The following FAM193A variants were observed in gnomAD, a reference collection of about 807,000 sequenced individuals.
FAM193A encodes family with sequence similarity 193 member A.
In FAM193A, 22 loss-of-function variants were observed where a neutral mutation model predicts 126.5. The observed-to-expected ratio is 0.17, with a 90% CI of 0.12 to 0.25. The LOEUF is 0.25. Ranked by LOEUF, FAM193A falls within the 10% of genes least tolerant of loss-of-function variation. FAM193A has a pLI of 1.00. For missense variants in FAM193A, 1,675 were observed against 1,672.8 expected (o/e 1.00, Z -0.02); for synonymous variants, 761 against 646.8 (o/e 1.18, Z -2.68).
At chr4:2,684,887 G>A (rs573827583) in intron 13 of FAM193A, among the ~76,000 whole-genome samples, 1 of 152,184 alleles carries the variant, frequency 6.6e-6, no homozygotes, top group African/African-American at 2.4e-5. Flanking sequence ...CCCAGACCAG[G>A]GGGGAAGAAC....
intron 19 of FAM193A, among the ~76,000 whole-genome samples, chr4:2,707,713 A>AT (rs752751839): frequency 0.23 from 30,456 of 130,790 alleles, 3,793 homozygotes; most frequent in South Asian, 0.28. Flanking sequence ...TATATTTCTT[A>AT]TTTTTTTTTT....
intron 13 of FAM193A, among the ~76,000 whole-genome samples, chr4:2,686,205 C>T (rs1349620306): frequency 6.6e-6 from 1 of 152,200 alleles, no homozygotes; most frequent in Non-Finnish European, 1.5e-5. Context: ...TTTGTCCCTA[C>T]AACTGGGCTT....
intron 1 of FAM193A, among the ~76,000 whole-genome samples, chr4:2,549,127 T>C (rs994274837): frequency 6.6e-6 from 1 of 151,500 alleles, no homozygotes; most frequent in Non-Finnish European, 1.5e-5. Flanking sequence ...TTAGTAGAGA[T>C]GGTGTTTCAC....
chr4:2,637,474 CAG>C (rs2109019283), intron 5 of FAM193A, among the ~76,000 whole-genome samples: 1 of 151,824 alleles, frequency 6.6e-6, no homozygotes, highest in Non-Finnish European at 1.5e-5. Flanking sequence ...TCGACAAAGA[CAG>C]AAAGATCTCA....
At chr4:2,556,966 C>T (rs1284144218) in intron 1 of FAM193A, among the ~76,000 whole-genome samples, 1 of 152,102 alleles carries the variant, frequency 6.6e-6, no homozygotes, top group Admixed American at 6.6e-5. Context: ...ACAGAAAAGT[C>T]ACCAAGATAG....
In FAM193A at chr4:2,647,988, C is replaced by T. The variant is rs1362190460; in HGVS notation, c.1311+1156C>T. On this transcript the variant is annotated intron_variant, in intron 7 of 20. Coordinates refer to ENST00000637812, the MANE Select transcript of FAM193A (RefSeq NM_001366318.2). Reference sequence around the variant, plus strand: ...GGAAGAAGGAAGGGACTAGCATGTGCTTGCTCCCTCCGAGAATTGTGTCAT... The same window carrying T: ...GGAAGAAGGAAGGGACTAGCATGTGTTTGCTCCCTCCGAGAATTGTGTCAT... Among the ~76,000 whole-genome samples the T allele has an allele frequency of 2.0e-5, 3 of 152,058 alleles. No homozygotes were observed. In the East Asian group the frequency reaches 5.8e-4, roughly 29 times the overall value.
rs1405595158 is a variant in FAM193A, at chr4:2,693,818, T to G, written c.3036T>G (p.Pro1012=). 33 of 1,614,248 alleles carry G rather than the reference T, an allele frequency of 2.0e-5. No individual in the cohort carries two copies. The highest frequency in any genetic ancestry group is 2.7e-5 in the Non-Finnish European group (32 of 1,180,042). ...GFVDTRKSFC[P]APLPPATDGS... The stretch of plus-strand genomic sequence containing the variant: ...TGGACACACGCAAGAGTTTCTGTCC[T>G]GCACCCCTACCCCCGGCCACAGATG... The change falls in exon 16 of 21, where the codon CCT becomes CCG. Residue 1012 remains proline, a synonymous_variant. Coordinates refer to ENST00000637812, the MANE Select transcript of FAM193A (RefSeq NM_001366318.2).
At position 2,693,708 on chromosome 4, in the gene FAM193A, G is replaced by A; in HGVS notation, c.2926G>A (p.Ala976Thr). ...ALSPAALSPA[A>T]LSPASTPHLA... is the part of the protein sequence containing the mutation. The stretch of plus-strand genomic sequence containing the variant: ...CTCGCCTGCTGCGCTGTCACCTGCT[G>A]CGCTCTCACCTGCCTCCACACCTCA... Residue 976 changes from alanine (A) to threonine (T), a missense_variant, in exon 16 of 21, where the codon GCG (alanine) becomes ACG (threonine). Transcript: ENST00000637812. 6.2e-7 allele frequency: 1 copy of A among 1,614,152 alleles called. No individual in the cohort carries two copies. Among genetic ancestry groups the A allele is most frequent in the East Asian group, 2.2e-5 (1 of 44,874 alleles).
intron 13 of FAM193A, among the ~76,000 whole-genome samples, chr4:2,684,499 C>T (rs953534835): frequency 4.6e-5 from 7 of 151,668 alleles, no homozygotes; most frequent in African/African-American, 7.3e-5. Flanking sequence ...CATCCAGATT[C>T]GTTTTCTGCT....
intron 1 of FAM193A, among the ~76,000 whole-genome samples, chr4:2,538,135 G>T (rs1235077218): frequency 6.6e-6 from 1 of 151,618 alleles, no homozygotes; most frequent in African/African-American, 2.4e-5. Flanking sequence ...TAAAGATATT[G>T]CAATTAAAAA....
intron 3 of FAM193A, among the ~76,000 whole-genome samples, chr4:2,626,052 T>G (rs918361678): frequency 2.6e-5 from 4 of 152,100 alleles, no homozygotes; most frequent in Non-Finnish European, 5.9e-5. Flanking sequence ...TGCTCTGTGC[T>G]CTGGCTCAGG....
At chr4:2,610,806 C>T (rs1003216482) in intron 2 of FAM193A, among the ~76,000 whole-genome samples, 7 of 151,902 alleles carry the variant, frequency 4.6e-5, no homozygotes, top group East Asian at 1.9e-4. Flanking sequence ...GGCGCGATCT[C>T]GGCTCACCGC....
At chr4:2,710,336 G>A (rs1372991215) in intron 19 of FAM193A, among the ~76,000 whole-genome samples, 1 of 151,242 alleles carries the variant, frequency 6.6e-6, no homozygotes, top group Admixed American at 6.6e-5. Flanking sequence ...TACTACGCCT[G>A]GCTAATTTTT....
intron 1 of FAM193A, among the ~76,000 whole-genome samples, chr4:2,556,164 G>A (rs1738246736): frequency 6.6e-6 from 1 of 152,082 alleles, no homozygotes; most frequent in Non-Finnish European, 1.5e-5. Flanking sequence ...CCAAAGTGCT[G>A]GGATTACAGG....
rs187661037 is a variant in FAM193A, at chr4:2,672,356, C to G, written c.2315C>G (p.Pro772Arg). 1.2e-6 allele frequency: 2 copies of G among 1,614,208 alleles called. No homozygotes were observed. The highest frequency in any genetic ancestry group is 1.3e-5 in the African/African-American group (1 of 75,064). Residue 772 changes from proline to arginine, a missense_variant, in exon 13 of 21, where the codon CCC (proline) becomes CGC (arginine). By Grantham distance (103) the Pro-to-Arg change is moderately radical (BLOSUM62 -2). This residue lies in a region of FAM193A where 1,186 missense variants were observed against 1,109.2 expected (regional missense o/e 1.07). Transcript: ENST00000637812. ...CACCCCACCTTGTATGCAACGCCCCCCTTCACACACAGTAAGGTAAGTCAG... is the reference window on the plus strand; with the variant it reads ...CACCCCACCTTGTATGCAACGCCCCGCTTCACACACAGTAAGGTAAGTCAG... ...LIHPTLYATP[P>R]FTHSKALPPA...
chr4:2,729,720 C>T (rs1341687969), intron 20 of FAM193A, among the ~76,000 whole-genome samples: 1 of 152,176 alleles, frequency 6.6e-6, no homozygotes, highest in African/African-American at 2.4e-5. Flanking sequence ...AAGCCATGCT[C>T]CCACCACAGC....
chr4:2,582,348 C>A (rs1319591565), intron 1 of FAM193A, among the ~76,000 whole-genome samples: 2 of 152,012 alleles, frequency 1.3e-5, no homozygotes, highest in African/African-American at 4.8e-5. Flanking sequence ...GCTATGTTGC[C>A]CAGGCTACTC....
At chr4:2,642,671 C>T (rs572477299) in intron 6 of FAM193A, among the ~76,000 whole-genome samples, 4 of 151,778 alleles carry the variant, frequency 2.6e-5, no homozygotes, top group Admixed American at 1.3e-4. Flanking sequence ...CAGTGAGTTC[C>T]GTCAGCCTGT....
chr4:2,659,761 T>G lies in FAM193A; in HGVS notation c.1503-51T>G. 3 of 1,613,866 alleles carry G rather than the reference T, an allele frequency of 1.9e-6. No individual in the cohort carries two copies. The South Asian group carries it at 3.3e-5, about 18-fold the overall frequency. ...TAGAACCGACCCTTAGAGAGCATGG[T>G]CTAGTCTTGTGCATTGGTTGGCTTG... On this transcript the variant is annotated intron_variant, in intron 9 of 20. Transcript: ENST00000637812.
Sources: gnomAD v4.1 joint callset for allele counts (sites outside exome capture counted in the v4.1 genomes callset) on GRCh38, gnomAD v4.1.1 for gene constraint, gnomAD v4.1.1 regional missense constraint, MANE v1.5 for transcripts, NCBI Gene and HGNC (gene_info 2026-07-23, HGNC 2026-07-21) for gene names.